Variants in LRRD1 observed in about 807,000 individuals in gnomAD.
The protein encoded by LRRD1 is leucine-rich repeat and death domain-containing protein 1.
A neutral mutation model predicts 69.5 loss-of-function variants in LRRD1; 49 were observed. The observed-to-expected ratio is 0.70, with a 90% CI of 0.56 to 0.89. The LOEUF (loss-of-function observed/expected upper bound fraction) is 0.89. LRRD1 is among the 40% of genes least tolerant of loss of function. The probability of loss-of-function intolerance (pLI) is 0.00; values close to 1 mark genes in which losing one functional copy is unlikely to be tolerated. For missense variants in LRRD1, 853 were observed against 956.0 expected, an observed-to-expected ratio of 0.89 and a Z score of 1.42; for synonymous variants, 303 against 338.9, an observed-to-expected ratio of 0.89 and a Z score of 1.16.
chr7:92,178,641 G>A (rs1267567569), intron 1 of LRRD1, among the ~76,000 whole-genome samples: 2 of 152,234 alleles, frequency 1.3e-5, no homozygotes, highest in Admixed American at 6.5e-5. Context: ...CTGCACTCCA[G>A]CCTGGGCAAC....
intron 2 of LRRD1, among the ~76,000 whole-genome samples, chr7:92,161,468 G>C (rs1788794456): frequency 6.6e-6 from 1 of 152,232 alleles, no homozygotes. Context: ...ATGATACATG[G>C]ACAACAGTCC....
chr7:92,145,765 C>G (rs1434192143), intron 5 of LRRD1, among the ~76,000 whole-genome samples: 2 of 152,106 alleles, frequency 1.3e-5, no homozygotes, highest in Non-Finnish European at 2.9e-5. Context: ...CTTGATCTCA[C>G]TTGATTCTCA....
chr7:92,164,017 T>G lies in LRRD1; in HGVS notation c.1186A>C (p.Met396Leu), dbSNP rs1047834240. Residue 396 changes from methionine (M) to leucine (L), a missense_variant, in exon 2 of 6, where the codon ATG becomes CTG. By Grantham distance (15) the Met-to-Leu change is conservative. This residue lies in a region of LRRD1 where 739 missense variants were observed against 808.0 expected (regional missense o/e 0.91). Coordinates refer to ENST00000458448, the MANE Select transcript of LRRD1 (RefSeq NM_001161528.2). ...TCACTAAGACTAAGGCATTCCAACA[T>G]TGCACAGCAAGATATTTTCTCTGGT... ...NIPEKISCCA[M>L]LECLSLSDNK... is the part of the protein sequence containing the mutation. The G allele has an allele frequency of 1.3e-6, 2 of 1,539,760 alleles. No homozygotes were observed. The highest frequency in any genetic ancestry group is 2.8e-5 in the African/African-American group (2 of 72,186).
In LRRD1 at chr7:92,145,003, A is replaced by G; in HGVS notation, c.2468T>C (p.Leu823Pro). 6.5e-7 allele frequency: 1 copy of G among 1,540,266 alleles called. No homozygotes were observed. The change falls in exon 6 of 6, where the codon CTA becomes CCA. Residue 823 changes from leucine (L) to proline (P), a missense_variant. Leu to Pro is a moderately conservative substitution (Grantham distance 98). This residue lies in a region of LRRD1 where 739 missense variants were observed against 808.0 expected (regional missense o/e 0.91). Coordinates refer to ENST00000458448, the MANE Select transcript of LRRD1 (RefSeq NM_001161528.2). ...IWKTQSNKLS[L>P]TAAALRDQLI... ...TTGATCTCTTAAAGCAGCAGCAGTT[A>G]GTGATAACTTGTTACTTTGTGTTTT...
At chr7:92,145,553 C>A (rs1440853055) in intron 5 of LRRD1, among the ~76,000 whole-genome samples, 5 of 151,708 alleles carry the variant, frequency 3.3e-5, no homozygotes, top group Non-Finnish European at 7.4e-5. Flanking sequence ...CATTCTCCTG[C>A]CTCAGCCTCC....
intron 1 of LRRD1, among the ~76,000 whole-genome samples, chr7:92,167,897 A>T (rs13232401): frequency 0.014 from 2,062 of 149,012 alleles, 29 homozygotes; most frequent in Non-Finnish European, 0.023. Context: ...AAAAAAAAAA[A>T]AAAAAAAAAA....
Position 92,165,153 on chromosome 7 carries a change from T to G in LRRD1, c.50A>C (p.Gln17Pro). ...MSEVLEDTIS[Q>P]FRKESRSQSM... is the part of the protein sequence containing the mutation. ...CTGTGATCTAGATTCTTTCCTAAAT[T>G]GACTAATAGTATCCTCTAGCACTTC... The change falls in exon 2 of 6, where the codon CAA (glutamine) becomes CCA (proline). Residue 17 changes from glutamine to proline, a missense_variant. By Grantham distance (76) the Gln-to-Pro change is moderately conservative (BLOSUM62 -1). Around this residue, in one of 3 missense-constraint regions of LRRD1, gnomAD observed 99 missense variants for 107.0 expected, o/e 0.92. Transcript: ENST00000458448. 6.5e-7 allele frequency: 1 copy of G among 1,548,984 alleles called. No individual in the cohort carries two copies. Among genetic ancestry groups the G allele is most frequent in the Non-Finnish European group, 8.7e-7 (1 of 1,146,024 alleles).
At chr7:92,155,722 C>T (rs901779229) in intron 3 of LRRD1, among the ~76,000 whole-genome samples, 9 of 152,304 alleles carry the variant, frequency 5.9e-5, no homozygotes, top group Admixed American at 5.2e-4. Context: ...GTCCAAGTCC[C>T]GAAACCTCAA....
intron 4 of LRRD1, among the ~76,000 whole-genome samples, chr7:92,147,314 C>G (rs971819402): frequency 3.3e-5 from 5 of 152,136 alleles, no homozygotes; most frequent in African/African-American, 1.2e-4. Context: ...GTGATCCGCC[C>G]TCCTCGGCCT....
At chr7:92,173,022 A>G (rs1789090345) in intron 1 of LRRD1, among the ~76,000 whole-genome samples, 1 of 152,250 alleles carries the variant, frequency 6.6e-6, no homozygotes, top group Admixed American at 6.5e-5. Context: ...ATAGAATACA[A>G]AACCCAGATA....
intron 1 of LRRD1, among the ~76,000 whole-genome samples, chr7:92,168,075 G>A (rs534765061): frequency 6.6e-6 from 1 of 151,938 alleles, no homozygotes; most frequent in Admixed American, 6.5e-5. Context: ...ATTATTACCA[G>A]CAATATCCCA....
downstream of LRRD1, chr7:92,144,732 CATT>C (rs1323969615): frequency 2.8e-6 from 1 of 360,384 alleles, no homozygotes; most frequent in African/African-American, 2.1e-5. Flanking sequence ...TTTATTATAA[CATT>C]AGAGTGATAG....
chr7:92,158,542 T>C (rs1788723257), intron 3 of LRRD1, among the ~76,000 whole-genome samples: 2 of 152,202 alleles, frequency 1.3e-5, no homozygotes, highest in Admixed American at 1.3e-4. Context: ...GTTTATTTTC[T>C]TATCTACAAT....
At chr7:92,158,682 G>A (rs1462000775) in intron 3 of LRRD1, among the ~76,000 whole-genome samples, 2 of 152,118 alleles carry the variant, frequency 1.3e-5, no homozygotes, top group African/African-American at 2.4e-5. Flanking sequence ...CAGAAAAAAT[G>A]CTGACCTGAG....
chr7:92,169,244 CA>C (rs1204200627), intron 1 of LRRD1, among the ~76,000 whole-genome samples: 1 of 151,708 alleles, frequency 6.6e-6, no homozygotes, highest in Non-Finnish European at 1.5e-5. Context: ...GCAGTGATCT[CA>C]AAATAACACA....
chr7:92,163,690 C>A lies in LRRD1; in HGVS notation c.1513G>T (p.Asp505Tyr). The A allele has an allele frequency of 8.0e-6, 12 of 1,499,614 alleles. No individual in the cohort carries two copies. Among genetic ancestry groups the A allele is most frequent in the Non-Finnish European group, 1.1e-5 (12 of 1,127,394 alleles). The allele number at this position is 1,499,614 out of a possible 1,614,324, so 92.9% of individuals were successfully genotyped here. Residue 505 changes from aspartate to tyrosine, a missense_variant, in exon 2 of 6, where the codon GAT (aspartate) becomes TAT (tyrosine). By Grantham distance (160) the Asp-to-Tyr change is radical. Coordinates refer to ENST00000458448, the MANE Select transcript of LRRD1 (RefSeq NM_001161528.2). ...NGNYISEIPVDISFSKQLLHL... is the reference protein window; with the variant it reads ...NGNYISEIPVYISFSKQLLHL... ...AGCAGTTGTTTACTGAAAGATATAT[C>A]CACAGGTATTTCTGAAATATAATTT...
At chr7:92,160,305 G>A (rs1451625985) in intron 2 of LRRD1, among the ~76,000 whole-genome samples, 1 of 152,168 alleles carries the variant, frequency 6.6e-6, no homozygotes, top group Non-Finnish European at 1.5e-5. Context: ...TATAAAGGAA[G>A]CATAAGAAAT....
At chr7:92,148,817 G>A (rs1001450701) in intron 4 of LRRD1, among the ~76,000 whole-genome samples, 12 of 151,678 alleles carry the variant, frequency 7.9e-5, no homozygotes, top group East Asian at 7.7e-4. Flanking sequence ...GTGTGATCTC[G>A]GCTCACTGCA....
At chr7:92,142,174 C>G, downstream of LRRD1, 1 of 249,670 alleles carries the variant, frequency 4.0e-6, no homozygotes, top group Non-Finnish European at 7.9e-6. Context: ...GATCTCCTGA[C>G]CTCGTGATCT....
Sources: allele counts gnomAD v4.1 joint callset (sites outside exome capture counted in the v4.1 genomes callset), GRCh38; gene constraint gnomAD v4.1.1; regional missense constraint gnomAD v4.1.1; transcripts MANE v1.5; gene names NCBI Gene and HGNC (gene_info 2026-07-23, HGNC 2026-07-21).